Variants in CNIH3 observed in about 807,000 individuals in gnomAD.
CNIH3 encodes cornichon family AMPA receptor auxiliary protein 3, also known as protein cornichon homolog 3.
Under a neutral mutation model 24.1 loss-of-function variants are expected in CNIH3, and 14 were observed. That is an observed-to-expected ratio of 0.58 (90% CI 0.38 to 0.91). The LOEUF is 0.91. CNIH3 is among the 40% of genes least tolerant of loss of function. CNIH3 has a pLI of 0.00. For synonymous variants in CNIH3, 68 were observed against 73.8 expected, an observed-to-expected ratio of 0.92 and a Z score of 0.40; for missense variants, 178 against 196.8, an observed-to-expected ratio of 0.90 and a Z score of 0.57.
At chr1:224,530,168 G>A (rs983695497) in intron 2 of CNIH3, among the ~76,000 whole-genome samples, 7 of 152,194 alleles carry the variant, frequency 4.6e-5, no homozygotes, top group African/African-American at 1.7e-4. Flanking sequence ...CCCAAGGTAA[G>A]GTCGTTTCCA....
chr1:224,716,433 A>T (rs1688435262), intron 3 of CNIH3, among the ~76,000 whole-genome samples: 1 of 152,212 alleles, frequency 6.6e-6, no homozygotes, highest in African/African-American at 2.4e-5. Context: ...AGGACCCAGT[A>T]TATAATAAAT....
chr1:224,708,666 A>G (rs895745230), intron 3 of CNIH3, among the ~76,000 whole-genome samples: 2 of 152,198 alleles, frequency 1.3e-5, no homozygotes, highest in African/African-American at 4.8e-5. Flanking sequence ...TCTCTGTAGT[A>G]TGACATGACT....
intron 5 of CNIH3, among the ~76,000 whole-genome samples, chr1:224,736,371 C>G (rs948156180): frequency 6.6e-6 from 1 of 152,176 alleles, no homozygotes; most frequent in Non-Finnish European, 1.5e-5. Context: ...TGTGATCTAC[C>G]CGCCTCAGCC....
intron 1 of CNIH3, among the ~76,000 whole-genome samples, chr1:224,516,767 A>G (rs1678405398): frequency 6.6e-6 from 1 of 152,182 alleles, no homozygotes; most frequent in East Asian, 1.9e-4. Flanking sequence ...CAGATTGTAA[A>G]CTTTGCAGCA....
chr1:224,715,179 C>T (rs1688362517), intron 3 of CNIH3, among the ~76,000 whole-genome samples: 1 of 152,170 alleles, frequency 6.6e-6, no homozygotes, highest in Non-Finnish European at 1.5e-5. Flanking sequence ...TTTCATTCTG[C>T]GTGATATTCA....
intron 1 of CNIH3, among the ~76,000 whole-genome samples, chr1:224,518,404 A>T (rs892243468): frequency 3.3e-5 from 5 of 152,004 alleles, no homozygotes; most frequent in African/African-American, 9.7e-5. Context: ...ATCATAGCTC[A>T]CTGTAGCCTC....
intron 1 of CNIH3, among the ~76,000 whole-genome samples, chr1:224,441,655 G>A (rs1462138557): frequency 2.0e-5 from 3 of 152,160 alleles, no homozygotes; most frequent in African/African-American, 7.2e-5. Context: ...TTCTGAATAT[G>A]TGTATGCATC....
chr1:224,603,322 C>T (rs1682284635), intron 3 of CNIH3, among the ~76,000 whole-genome samples: 1 of 152,196 alleles, frequency 6.6e-6, no homozygotes, highest in African/African-American at 2.4e-5. Context: ...TTAATTTTTC[C>T]CTTTGGCATA....
intron 3 of CNIH3, among the ~76,000 whole-genome samples, chr1:224,716,687 G>A (rs1189384155): frequency 2.6e-5 from 4 of 152,162 alleles, no homozygotes; most frequent in Admixed American, 2.0e-4. Flanking sequence ...GCACCCAGGA[G>A]GGAACTGGGA....
intron 1 of CNIH3, among the ~76,000 whole-genome samples, chr1:224,507,397 A>C (rs534487293): frequency 1.3e-5 from 2 of 152,320 alleles, no homozygotes; most frequent in South Asian, 4.1e-4. Context: ...TGAGGATAAT[A>C]ATAGTGCCTA....
chr1:224,530,327 G>A (rs967268852), intron 2 of CNIH3, among the ~76,000 whole-genome samples: 5 of 152,216 alleles, frequency 3.3e-5, no homozygotes. Context: ...AGTAAATTAA[G>A]TCCCATTAGT....
chr1:224,543,097 C>G (rs1679573245), intron 2 of CNIH3, among the ~76,000 whole-genome samples: 1 of 152,134 alleles, frequency 6.6e-6, no homozygotes, highest in Non-Finnish European at 1.5e-5. Flanking sequence ...AGCCGGATCT[C>G]TGGAGAGGGG....
chr1:224,544,608 C>T (rs560956837), intron 2 of CNIH3, among the ~76,000 whole-genome samples: 19 of 152,200 alleles, frequency 1.2e-4, no homozygotes, highest in Admixed American at 2.6e-4. Flanking sequence ...AATTTTAGGA[C>T]GCCACTCCAC....
intron 1 of CNIH3, among the ~76,000 whole-genome samples, chr1:224,444,448 T>C (rs1675058811): frequency 6.6e-6 from 1 of 152,078 alleles, no homozygotes; most frequent in Non-Finnish European, 1.5e-5. Flanking sequence ...AACCTCTGCC[T>C]TCTGGGTTCA....
intron 3 of CNIH3, among the ~76,000 whole-genome samples, chr1:224,559,623 T>C (rs1403464145): frequency 1.3e-5 from 2 of 152,204 alleles, no homozygotes; most frequent in African/African-American, 2.4e-5. Flanking sequence ...TACTCCCACA[T>C]TGGCCTCCCA....
chr1:224,568,649 G>T (rs1680687042), intron 4 of CNIH3, among the ~76,000 whole-genome samples: 1 of 151,978 alleles, frequency 6.6e-6, no homozygotes, highest in Admixed American at 6.6e-5. Flanking sequence ...AGCTACTCAG[G>T]AGGCTGAGGT....
Position 224,695,861 on chromosome 1 carries a change from ACT to A in CNIH3, c.198+11021_198+11022del, listed in dbSNP as rs769638528. Among the ~76,000 whole-genome samples, 3 of 152,000 alleles carry A rather than the reference ACT, an allele frequency of 2.0e-5. No individual in the cohort carries two copies. The South Asian group carries it at 6.2e-4, about 32-fold the overall frequency. On this transcript the variant is annotated intron_variant, in intron 3 of 5. Transcript: ENST00000272133. ...CCTTCTCAGCAATAAAGATTTAGGG[ACT>A]CTTGGGAGTTTTGCTATGAGAAGTC...
chr1:224,645,345 C>T (rs1177572520), intron 1 of CNIH3, among the ~76,000 whole-genome samples: 2 of 152,246 alleles, frequency 1.3e-5, no homozygotes, highest in African/African-American at 2.4e-5. Flanking sequence ...AGGCGGTACA[C>T]TCACCTCTTG....
intron 1 of CNIH3, among the ~76,000 whole-genome samples, chr1:224,489,284 G>A (rs974350146): frequency 3.3e-5 from 5 of 152,156 alleles, no homozygotes; most frequent in Non-Finnish European, 7.3e-5. Context: ...GCATCAGCTG[G>A]ACAGTTGGTC....
Sources: allele counts gnomAD v4.1 joint callset (sites outside exome capture counted in the v4.1 genomes callset), GRCh38; gene constraint gnomAD v4.1.1; transcripts MANE v1.5; gene names NCBI Gene and HGNC (gene_info 2026-07-23, HGNC 2026-07-21).